COX7B2: variants seen among roughly 807,000 people sequenced by gnomAD.
The protein encoded by COX7B2 is cytochrome c oxidase subunit 7B2, mitochondrial.
For synonymous variants in COX7B2, 37 were observed against 32.1 expected, an observed-to-expected ratio of 1.15 and a Z score of -0.51; for missense variants, 109 against 95.9, an observed-to-expected ratio of 1.14 and a Z score of -0.57.
intron 2 of COX7B2, among the ~76,000 whole-genome samples, chr4:46,842,418 T>C (rs1715990584): frequency 1.3e-5 from 2 of 152,224 alleles, no homozygotes; most frequent in Middle Eastern, 3.4e-3. Flanking sequence ...ATTATTATTA[T>C]ACTTTAAGTT....
chr4:46,763,838 C>T (rs769450536), intron 2 of COX7B2, among the ~76,000 whole-genome samples: 15 of 152,036 alleles, frequency 9.9e-5, no homozygotes, highest in South Asian at 2.1e-4. Context: ...TACTTTGAAA[C>T]GGACAAATGA....
intron 2 of COX7B2, among the ~76,000 whole-genome samples, chr4:46,762,300 AGTG>A (rs1329777118): frequency 1.1e-4 from 16 of 139,146 alleles, no homozygotes; most frequent in Admixed American, 2.3e-4. Context: ...AAATATATAT[AGTG>A]TTATATAATA....
intron 2 of COX7B2, among the ~76,000 whole-genome samples, chr4:46,742,172 G>A (rs1158485561): frequency 6.6e-6 from 1 of 152,098 alleles, no homozygotes; most frequent in Non-Finnish European, 1.5e-5. Flanking sequence ...AACATTAAAA[G>A]CATTAGTAAT....
chr4:46,786,359 G>A (rs1331553138), intron 2 of COX7B2, among the ~76,000 whole-genome samples: 2 of 152,090 alleles, frequency 1.3e-5, no homozygotes, highest in African/African-American at 2.4e-5. Context: ...TTCCATTGTT[G>A]AACACTAATG....
intron 2 of COX7B2, among the ~76,000 whole-genome samples, chr4:46,774,538 T>A (rs1717050807): frequency 6.6e-6 from 1 of 152,144 alleles, no homozygotes; most frequent in Admixed American, 6.6e-5. Flanking sequence ...TATCTATATA[T>A]CATTGGTGGA....
intron 2 of COX7B2, among the ~76,000 whole-genome samples, chr4:46,830,167 T>A: frequency 6.6e-6 from 1 of 151,552 alleles, no homozygotes; most frequent in East Asian, 1.9e-4. Context: ...GTACTAAAAA[T>A]ACAAAAATTA....
chr4:46,740,016 ATTT>A (rs1393826934), intron 2 of COX7B2, among the ~76,000 whole-genome samples: 3 of 151,916 alleles, frequency 2.0e-5, no homozygotes, highest in Non-Finnish European at 2.9e-5. Context: ...TTCATTTTTA[ATTT>A]TTTATTTTCA....
chr4:46,871,781 T>C (rs1167000286), intron 1 of COX7B2, among the ~76,000 whole-genome samples: 3 of 151,950 alleles, frequency 2.0e-5, no homozygotes, highest in Non-Finnish European at 4.4e-5. Flanking sequence ...AACAATGAGA[T>C]ACTTCCTTCC....
At chr4:46,736,300 G>A (rs1275291936) in intron 2 of COX7B2, among the ~76,000 whole-genome samples, 1 of 152,122 alleles carries the variant, frequency 6.6e-6, no homozygotes, top group African/African-American at 2.4e-5. Context: ...GGAGATGGGA[G>A]CTCAGTTTCA....
intron 2 of COX7B2, among the ~76,000 whole-genome samples, chr4:46,799,835 A>G (rs1348063867): frequency 2.6e-5 from 4 of 152,086 alleles, no homozygotes; most frequent in African/African-American, 9.7e-5. Flanking sequence ...GTCTCTGGCC[A>G]GGCTTTGGTA....
intron 2 of COX7B2, among the ~76,000 whole-genome samples, chr4:46,809,037 C>T (rs1310763922): frequency 2.6e-5 from 4 of 151,856 alleles, no homozygotes; most frequent in African/African-American, 9.7e-5. Flanking sequence ...GTGATACCTA[C>T]AATCTTGGTA....
At chr4:46,799,901 G>T (rs536339154) in intron 2 of COX7B2, among the ~76,000 whole-genome samples, 1 of 152,060 alleles carries the variant, frequency 6.6e-6, no homozygotes, top group South Asian at 2.1e-4. Context: ...CTCAATTTTT[G>T]GAATAATTTC....
At chr4:46,753,715 G>A (rs1196231277) in intron 2 of COX7B2, among the ~76,000 whole-genome samples, 1 of 151,790 alleles carries the variant, frequency 6.6e-6, no homozygotes, top group African/African-American at 2.4e-5. Flanking sequence ...TGACAAATGG[G>A]ATCTAATTAA....
intron 1 of COX7B2, among the ~76,000 whole-genome samples, chr4:46,881,011 A>C (rs1434584802): frequency 2.0e-5 from 3 of 148,852 alleles, no homozygotes; most frequent in Non-Finnish European, 4.5e-5. Context: ...AAAAAAAAAA[A>C]CTCTTGGATT....
chr4:46,806,534 T>A (rs939252485), intron 2 of COX7B2, among the ~76,000 whole-genome samples: 6 of 152,072 alleles, frequency 3.9e-5, no homozygotes, highest in Admixed American at 1.3e-4. Flanking sequence ...CTCAATTATT[T>A]TGTTTTTGAG....
intron 2 of COX7B2, among the ~76,000 whole-genome samples, chr4:46,775,686 T>A (rs1209506376): frequency 1.3e-5 from 2 of 152,138 alleles, no homozygotes; most frequent in Non-Finnish European, 2.9e-5. Flanking sequence ...TTACGTATGA[T>A]GTCTACAAGA....
intron 2 of COX7B2, among the ~76,000 whole-genome samples, chr4:46,825,778 G>A (rs923262100): frequency 6.6e-6 from 1 of 152,064 alleles, no homozygotes; most frequent in Non-Finnish European, 1.5e-5. Context: ...CAAGCAATGG[G>A]GAAAGACTCC....
At chr4:46,885,854 T>C (rs1719052737) in intron 1 of COX7B2, among the ~76,000 whole-genome samples, 1 of 152,158 alleles carries the variant, frequency 6.6e-6, no homozygotes, top group African/African-American at 2.4e-5. Context: ...ATTGCTGGCC[T>C]AGTCACAGAG....
intron 2 of COX7B2, among the ~76,000 whole-genome samples, chr4:46,805,583 A>C (rs189651379): frequency 1.5e-3 from 229 of 152,356 alleles, no homozygotes; most frequent in Non-Finnish European, 2.0e-3. Flanking sequence ...ATGGATAACA[A>C]ATAGTAAATA....
Sources: allele counts gnomAD v4.1 joint callset (sites outside exome capture counted in the v4.1 genomes callset), GRCh38; gene constraint gnomAD v4.1.1; transcripts MANE v1.5; gene names NCBI Gene and HGNC (gene_info 2026-07-23, HGNC 2026-07-21).